Variants in ZNF681 observed in about 807,000 individuals in gnomAD.
The protein encoded by ZNF681 is zinc finger protein 681.
In ZNF681, 37 loss-of-function variants were observed where a neutral mutation model predicts 56.0. The observed-to-expected ratio is 0.66, with a 90% CI of 0.51 to 0.87. ZNF681 has a LOEUF of 0.87. Ranked by LOEUF, ZNF681 falls within the 40% of genes least tolerant of loss-of-function variation. ZNF681 has a pLI of 0.00. For synonymous variants in ZNF681, 225 were observed against 248.6 expected (o/e 0.91, Z 0.89); for missense variants, 741 against 744.9 (o/e 0.99, Z 0.06).
chr19:23,751,474 C>CAAAAAAAAA (rs71165893), intron 3 of ZNF681, among the ~76,000 whole-genome samples: 1 of 123,032 alleles, frequency 8.1e-6, no homozygotes, highest in Non-Finnish European at 1.6e-5. Flanking sequence ...GACTCCGTCT[C>CAAAAAAAAA]AAAAAAAAAA....
rs1266093724 is a variant in ZNF681 at position 23,742,197 on chromosome 19, T to C, written c.*1415A>G. 2.6e-5 allele frequency: 4 copies of C among 152,094 alleles called. No homozygotes were observed. 9.4% of individuals were successfully genotyped at this position (152,094 alleles called of 1,614,324 possible). ...TTAAAATGTACTACATTTTATTACA[T>C]AAAAGTACAATTGGCCAGGCATGGT... On this transcript the variant is annotated 3_prime_UTR_variant, in exon 4 of 4. Coordinates refer to ENST00000402377, the MANE Select transcript of ZNF681 (RefSeq NM_138286.3).
At position 23,739,807 on chromosome 19, in the gene ZNF681, C is replaced by G. The variant is rs949123746; in HGVS notation, c.*3805G>C. The G allele has an allele frequency of 4.6e-5, 7 of 152,014 alleles. No individual in the cohort carries two copies. Among genetic ancestry groups the G allele is most frequent in the African/African-American group, 1.7e-4 (7 of 41,380 alleles). 9.4% of individuals were successfully genotyped at this position (152,014 alleles called of 1,614,324 possible). A position where few individuals can be genotyped will look rare whatever the true frequency, so the allele number is the denominator to read the frequency against. Reference sequence around the variant, plus strand: ...GGTGACTAAATGTAAAAACTGTAGACTGAACTTCACCCACTAAAAAAACAT... The same window carrying G: ...GGTGACTAAATGTAAAAACTGTAGAGTGAACTTCACCCACTAAAAAAACAT... On this transcript the variant is annotated 3_prime_UTR_variant, in exon 4 of 4. Coordinates refer to ENST00000402377, the MANE Select transcript of ZNF681 (RefSeq NM_138286.3).
Position 23,755,519 on chromosome 19 carries a change from T to C in ZNF681, c.36A>G (p.Glu12=), listed in dbSNP as rs369557344. 7 of 1,602,174 alleles carry C rather than the reference T, an allele frequency of 4.4e-6. No homozygotes were observed. The African/African-American group carries it at 9.6e-5, about 22-fold the overall frequency. ...EPLKFRDVAI[E]FSLEEWQCLD... Reference sequence around the variant, plus strand: ...GGCATTGCCACTCCTCCAGAGAGAATTCTATGGCCACATCCCTAAATTTCA... The same window carrying C: ...GGCATTGCCACTCCTCCAGAGAGAACTCTATGGCCACATCCCTAAATTTCA... The change falls in exon 2 of 4, where the codon GAA becomes GAG. Residue 12 remains glutamate (E), a synonymous_variant. Transcript: ENST00000402377.
chr19:23,740,003 A>C lies in ZNF681; in HGVS notation c.*3609T>G, dbSNP rs539237196. 1 of 152,294 alleles carries C rather than the reference A, an allele frequency of 6.6e-6. No individual in the cohort carries two copies. The highest frequency in any genetic ancestry group is 2.4e-5 in the African/African-American group (1 of 41,568). The allele number at this position is 152,294 out of a possible 1,614,324, so 9.4% of individuals were successfully genotyped here. On this transcript the variant is annotated 3_prime_UTR_variant, in exon 4 of 4. Coordinates refer to ENST00000402377, the MANE Select transcript of ZNF681 (RefSeq NM_138286.3). Reference sequence around the variant, plus strand: ...CATTGTGGCATAAGTATACTGTAGAAAATTAAATTAAAAGTTTAATTTCTA... The same window carrying C: ...CATTGTGGCATAAGTATACTGTAGACAATTAAATTAAAAGTTTAATTTCTA...
chr19:23,747,265 C>G (rs1568310476), intron 3 of ZNF681, among the ~76,000 whole-genome samples: 1 of 152,132 alleles, frequency 6.6e-6, no homozygotes, highest in Non-Finnish European at 1.5e-5. Flanking sequence ...CATAGTTTTA[C>G]TCAAGGGTCA....
chr19:23,757,478 G>A (rs949156098), intron 1 of ZNF681, among the ~76,000 whole-genome samples: 29 of 151,944 alleles, frequency 1.9e-4, no homozygotes, highest in Non-Finnish European at 2.9e-5. Context: ...TTTATATTGT[G>A]TCTGTTTACT....
intron 1 of ZNF681, among the ~76,000 whole-genome samples, chr19:23,758,020 GA>G (rs1407183747): frequency 6.6e-6 from 1 of 152,108 alleles, no homozygotes; most frequent in Non-Finnish European, 1.5e-5. Flanking sequence ...AAAAGAAATG[GA>G]AATAGAAATA....
rs987045991 is a variant in ZNF681 at position 23,742,546 on chromosome 19, A to G, written c.*1066T>C. On this transcript the variant is annotated 3_prime_UTR_variant, in exon 4 of 4. Transcript: ENST00000402377. Reference sequence around the variant, plus strand: ...GATATACCAGAAAATTTTTTTTCTCAATATAACACAGGATATTTATCTGAA... The same window carrying G: ...GATATACCAGAAAATTTTTTTTCTCGATATAACACAGGATATTTATCTGAA... The G allele has an allele frequency of 2.0e-5, 3 of 152,018 alleles. No homozygotes were observed. The highest frequency in any genetic ancestry group is 7.2e-5 in the African/African-American group (3 of 41,402). The allele number at this position is 152,018 out of a possible 1,614,324, so 9.4% of individuals were successfully genotyped here.
In ZNF681 at chr19:23,743,824, G is replaced by A; in HGVS notation, c.1726C>T (p.His576Tyr). 6.2e-7 allele frequency: 1 copy of A among 1,607,092 alleles called. No homozygotes were observed. Among genetic ancestry groups the A allele is most frequent in the South Asian group, 1.1e-5 (1 of 90,598 alleles). Residue 576 changes from histidine to tyrosine, a missense_variant, in exon 4 of 4, where the codon CAC becomes TAC. Physicochemically the swap from His to Tyr is moderately conservative, Grantham distance 83. Transcript: ENST00000402377. ...ECGKAFNQSS[H>Y]LTRHKRIHTG... ...TGAATTCTCTTATGTCTAGTAAGGT[G>A]TGAGGACTGGTTAAAGGCTTTACCA...
chr19:23,751,086 G>A (rs1422960882), intron 3 of ZNF681, among the ~76,000 whole-genome samples: 3 of 131,666 alleles, frequency 2.3e-5, no homozygotes, highest in South Asian at 2.4e-4. Flanking sequence ...CCAAGACTGC[G>A]CCATTGCACT....
Position 23,741,120 on chromosome 19 carries a change from T to A in ZNF681, c.*2492A>T, listed in dbSNP as rs1037786463. 1 of 152,138 alleles carries A rather than the reference T, an allele frequency of 6.6e-6. No homozygotes were observed. The highest frequency in any genetic ancestry group is 1.9e-4 in the East Asian group (1 of 5,206). 9.4% of individuals were successfully genotyped at this position (152,138 alleles called of 1,614,324 possible). ...AAAATAATTTGATTTGTTTCAATAT[T>A]GCTCTTCTGAAACTAGGTAGAAACT... On this transcript the variant is annotated 3_prime_UTR_variant, in exon 4 of 4. Transcript: ENST00000402377.
chr19:23,758,421 T>A (rs1405907857), intron 1 of ZNF681, among the ~76,000 whole-genome samples: 1 of 152,068 alleles, frequency 6.6e-6, no homozygotes, highest in Non-Finnish European at 1.5e-5. Context: ...GGACCAAAGC[T>A]CTTCCCATTC....
At position 23,758,851 on chromosome 19, in the gene ZNF681, C is replaced by G. The variant is rs1026412978; in HGVS notation, c.-102G>C. On this transcript the variant is annotated 5_prime_UTR_variant, in exon 1 of 4. Coordinates refer to ENST00000402377, the MANE Select transcript of ZNF681 (RefSeq NM_138286.3). ...GCCTCTAGAAGAAGAGGACACAGAG[C>G]AGTGAAGACGAGACCCGGAGCTCGG... The G allele has an allele frequency of 3.3e-6, 5 of 1,538,250 alleles. No individual in the cohort carries two copies. The East Asian group carries it at 1.1e-4, about 35-fold the overall frequency.
Position 23,744,080 on chromosome 19 carries a change from G to A in ZNF681, c.1470C>T (p.Ser490=), listed in dbSNP as rs796606348. The change falls in exon 4 of 4, where the codon TCC becomes TCT. Residue 490 remains serine, a synonymous_variant. Transcript: ENST00000402377. ...TTCTCTTATGTGTAGTAAGGATTGA[G>A]GACTGGTTAAAAGCTTTGCCACATT... ...CEECGKAFNQ[S]SILTTHKRIH... The A allele has an allele frequency of 1.2e-6, 2 of 1,603,222 alleles. No homozygotes were observed. Among genetic ancestry groups the A allele is most frequent in the Non-Finnish European group, 1.7e-6 (2 of 1,173,240 alleles).
At chr19:23,758,394 G>C (rs1969156688) in intron 1 of ZNF681, among the ~76,000 whole-genome samples, 2 of 152,242 alleles carry the variant, frequency 1.3e-5, no homozygotes, top group Non-Finnish European at 2.9e-5. Flanking sequence ...AAAGGAAAGA[G>C]AGACTAGGAA....
intron 3 of ZNF681, among the ~76,000 whole-genome samples, chr19:23,750,495 A>C (rs1969011498): frequency 6.6e-6 from 1 of 152,068 alleles, no homozygotes; most frequent in Admixed American, 6.6e-5. Context: ...TATAATACAT[A>C]TGTAAAACTA....
At position 23,744,830 on chromosome 19, in the gene ZNF681, G is replaced by T; in HGVS notation, c.720C>A (p.Asn240Lys). Reference protein sequence around the residue: ...ECGKACNQFTNLTTHKIIYTR... With the variant: ...ECGKACNQFTKLTTHKIIYTR... ...TATAAATTATCTTATGTGTAGTAAGGTTTGTGAACTGGTTACAGGCTTTGC... is the reference window on the plus strand; with the variant it reads ...TATAAATTATCTTATGTGTAGTAAGTTTTGTGAACTGGTTACAGGCTTTGC... The change falls in exon 4 of 4, where the codon AAC (asparagine) becomes AAA (lysine). Residue 240 changes from asparagine to lysine, a missense_variant. Asn to Lys is a moderately conservative substitution (Grantham distance 94). Transcript: ENST00000402377. The T allele has an allele frequency of 6.2e-7, 1 of 1,613,600 alleles. No homozygotes were observed. Among genetic ancestry groups the T allele is most frequent in the Non-Finnish European group, 8.5e-7 (1 of 1,179,832 alleles).
chr19:23,755,598 C>CACAT (rs781184563), intron 1 of ZNF681, 47 bp from the exon 2 acceptor site: 1 of 572,916 alleles, frequency 1.7e-6, no homozygotes, highest in Non-Finnish European at 2.4e-6. Flanking sequence ...CACACACACA[C>CACAT]ATACACATTT....
In ZNF681 at chr19:23,743,684, T is replaced by A. The variant is rs1968897920; in HGVS notation, c.1866A>T (p.Arg622Ser). ...HTGEKLYKPK[R>S]CNSDFENTSK... is the part of the protein sequence containing the mutation. Reference sequence around the variant, plus strand: ...AAGTGTTTTCAAAATCACTGTTACATCTTTTAGGTTTGTAGAGTTTCTCAC... The same window carrying A: ...AAGTGTTTTCAAAATCACTGTTACAACTTTTAGGTTTGTAGAGTTTCTCAC... Residue 622 changes from arginine to serine, a missense_variant, in exon 4 of 4, where the codon AGA (arginine) becomes AGT (serine). By Grantham distance (110) the Arg-to-Ser change is moderately radical. Transcript: ENST00000402377. The A allele has an allele frequency of 6.2e-6, 10 of 1,600,326 alleles. No individual in the cohort carries two copies. The highest frequency in any genetic ancestry group is 7.7e-6 in the Non-Finnish European group (9 of 1,173,698).
Sources: gnomAD v4.1 joint callset for allele counts (sites outside exome capture counted in the v4.1 genomes callset) on GRCh38, gnomAD v4.1.1 for gene constraint, MANE v1.5 for transcripts, NCBI Gene and HGNC (gene_info 2026-07-23, HGNC 2026-07-21) for gene names.